The following TMEM116 variants were observed in gnomAD, a reference collection of about 807,000 sequenced individuals.
The protein encoded by TMEM116 is transmembrane protein 116.
Under a neutral mutation model 44.3 loss-of-function variants are expected in TMEM116, and 38 were observed. The observed-to-expected ratio is 0.86, with a 90% confidence interval of 0.66 to 1.12. The LOEUF (loss-of-function observed/expected upper bound fraction) is 1.12. Ranked by LOEUF, TMEM116 falls within the 50% of genes most tolerant of loss-of-function variation. The pLI is 0.00. For synonymous variants in TMEM116, 132 were observed against 144.8 expected (o/e 0.91, Z 0.64); for missense variants, 354 against 401.7 (o/e 0.88, Z 1.01).
chr12:111,943,035 C>T (rs970374875), intron 5 of TMEM116, among the ~76,000 whole-genome samples: 2 of 151,930 alleles, frequency 1.3e-5, no homozygotes, highest in African/African-American at 4.8e-5. Context: ...GATCCTCCCA[C>T]TTCAGCCCCC....
At chr12:111,946,984 T>C (rs2136295109) in intron 4 of TMEM116, among the ~76,000 whole-genome samples, 1 of 152,244 alleles carries the variant, frequency 6.6e-6, no homozygotes, top group East Asian at 1.9e-4. Context: ...CTAAATGAAC[T>C]TTCCATAAAA....
intron 4 of TMEM116, among the ~76,000 whole-genome samples, chr12:111,958,278 A>T (rs2074306286): frequency 3.7e-5 from 2 of 53,786 alleles, no homozygotes; most frequent in Non-Finnish European, 5.8e-5. Flanking sequence ...AATAAATACT[A>T]AAAAAAAAAA....
intron 4 of TMEM116, among the ~76,000 whole-genome samples, chr12:111,984,446 G>A (rs1271477140): frequency 6.6e-6 from 1 of 152,104 alleles, no homozygotes; most frequent in Non-Finnish European, 1.5e-5. Context: ...GTAGGAAGGA[G>A]GTGGAGATGG....
At chr12:111,958,277 T>TAAAAAAAA (rs61637468) in intron 4 of TMEM116, among the ~76,000 whole-genome samples, 17 of 27,518 alleles carry the variant, frequency 6.2e-4, no homozygotes, top group Middle Eastern at 0.023. Flanking sequence ...CAATAAATAC[T>TAAAAAAAA]AAAAAAAAAA....
chr12:111,949,021 C>A (rs960999498), intron 4 of TMEM116, among the ~76,000 whole-genome samples: 1 of 110,740 alleles, frequency 9.0e-6, no homozygotes, highest in Non-Finnish European at 1.8e-5. Context: ...GCGGGGGTGG[C>A]GGGGGTTGCT....
chr12:111,988,750 G>C (rs1199568130), intron 4 of TMEM116, among the ~76,000 whole-genome samples: 1 of 151,974 alleles, frequency 6.6e-6, no homozygotes, highest in Non-Finnish European at 1.5e-5. Context: ...CCAGCACTTT[G>C]GGAGGCCGAG....
chr12:111,960,952 G>A (rs1354820263), intron 4 of TMEM116, among the ~76,000 whole-genome samples: 1 of 152,068 alleles, frequency 6.6e-6, no homozygotes, highest in Non-Finnish European at 1.5e-5. Context: ...AAGAAGAAGA[G>A]AAGAATCAAA....
At chr12:111,940,469 A>T (rs967020446) in intron 5 of TMEM116, among the ~76,000 whole-genome samples, 18 of 108,762 alleles carry the variant, frequency 1.7e-4, no homozygotes, top group African/African-American at 7.4e-4. Flanking sequence ...CCCCACATAT[A>T]TATATATACA....
At chr12:112,002,927 G>A (rs4767284) in intron 3 of TMEM116, among the ~76,000 whole-genome samples, 69,267 of 152,000 alleles carry the variant, frequency 0.46, 20,054 homozygotes, top group East Asian at 0.9. Context: ...TTTCTCTTAA[G>A]ATCTGTTTAC....
At chr12:111,961,313 A>G (rs982407521) in intron 4 of TMEM116, among the ~76,000 whole-genome samples, 4 of 152,226 alleles carry the variant, frequency 2.6e-5, no homozygotes, top group Non-Finnish European at 4.4e-5. Flanking sequence ...AATCCTCCCT[A>G]ACTCATTTTA....
intron 3 of TMEM116, among the ~76,000 whole-genome samples, chr12:112,003,296 C>A (rs886791558): frequency 2.6e-5 from 4 of 152,106 alleles, no homozygotes; most frequent in Non-Finnish European, 1.5e-5. Flanking sequence ...GGGCTGGGCG[C>A]GGTGGCTCAC....
chr12:111,960,147 A>T (rs967904370), intron 4 of TMEM116, among the ~76,000 whole-genome samples: 2 of 152,204 alleles, frequency 1.3e-5, no homozygotes, highest in Non-Finnish European at 2.9e-5. Context: ...CGTAACAAAT[A>T]GTCTCTCAGA....
At chr12:112,010,444 C>G (rs893967862) in intron 1 of TMEM116, 3 of 152,222 alleles carry the variant, frequency 2.0e-5, no homozygotes, top group African/African-American at 7.2e-5. Flanking sequence ...CAAAGATGAA[C>G]TTTATTGAGT....
At position 111,937,154 on chromosome 12, in the gene TMEM116, A is replaced by T. The variant is rs1294037548; in HGVS notation, c.449+6T>A. 3.1e-6 allele frequency: 5 copies of T among 1,606,462 alleles called. No individual in the cohort carries two copies. In the East Asian group the frequency reaches 6.7e-5, roughly 22 times the overall value. On this transcript the variant is annotated splice_donor_region_variant and intron_variant, in intron 7 of 10. Coordinates refer to ENST00000552374, the MANE Select transcript of TMEM116 (RefSeq NM_001193531.2). ...CATGAAAATTATACATTTAGTTCTT[A>T]CTTACTTGTGGCTCTGACTGAAGTT...
chr12:111,991,442 T>A (rs941901027), intron 4 of TMEM116, among the ~76,000 whole-genome samples: 7 of 149,382 alleles, frequency 4.7e-5, no homozygotes, highest in African/African-American at 1.7e-4. Context: ...GAGAATGGCA[T>A]GAACCTGGGA....
intron 3 of TMEM116, among the ~76,000 whole-genome samples, chr12:112,003,318 C>T (rs1002824833): frequency 2.0e-5 from 3 of 152,174 alleles, no homozygotes; most frequent in African/African-American, 4.8e-5. Flanking sequence ...CCTGTAATCC[C>T]AGCACTTTGG....
intron 1 of TMEM116, among the ~76,000 whole-genome samples, chr12:112,006,765 AG>A (rs1022238392): frequency 5.9e-5 from 9 of 152,234 alleles, no homozygotes; most frequent in Admixed American, 4.6e-4. Context: ...GACAGACTGG[AG>A]GAAAAAAGAG....
At chr12:111,998,764 T>A (rs139498841) in intron 3 of TMEM116, among the ~76,000 whole-genome samples, 7,822 of 151,866 alleles carry the variant, frequency 0.052, 265 homozygotes, top group South Asian at 0.094. Flanking sequence ...GAGGTTGCAG[T>A]GAGCTGAGAT....
At chr12:111,954,244 G>C (rs748945536) in intron 4 of TMEM116, among the ~76,000 whole-genome samples, 1 of 152,144 alleles carries the variant, frequency 6.6e-6, no homozygotes, top group Non-Finnish European at 1.5e-5. Context: ...GAGGGAGTGA[G>C]ACTACATTAA....
Sources: gnomAD v4.1 joint callset for allele counts (sites outside exome capture counted in the v4.1 genomes callset) on GRCh38, gnomAD v4.1.1 for gene constraint, MANE v1.5 for transcripts, NCBI Gene and HGNC (gene_info 2026-07-23, HGNC 2026-07-21) for gene names.